GRID2: variants seen among roughly 807,000 people sequenced by gnomAD.
GRID2 encodes glutamate ionotropic receptor delta type subunit 2, also known as glutamate receptor ionotropic, delta-2.
GRID2 carries 33 observed loss-of-function variants against 114.8 expected under a neutral mutation model. The observed-to-expected ratio is 0.29, with a 90% confidence interval of 0.22 to 0.38. The LOEUF is 0.38. Ranked by LOEUF, GRID2 falls within the 10% of genes least tolerant of loss-of-function variation. GRID2 has a pLI of 1.00. For synonymous variants in GRID2, 505 were observed against 449.9 expected (o/e 1.12, Z -1.55); for missense variants, 1,184 against 1,257.7 (o/e 0.94, Z 0.89).
At chr4:92,553,143 A>G (rs1372772969) in intron 1 of GRID2, among the ~76,000 whole-genome samples, 1 of 152,158 alleles carries the variant, frequency 6.6e-6, no homozygotes, top group Non-Finnish European at 1.5e-5. Flanking sequence ...CTTTCCCTTT[A>G]TGGAACTTAG....
intron 2 of GRID2, among the ~76,000 whole-genome samples, chr4:93,049,314 C>T (rs556993537): frequency 1.3e-5 from 2 of 152,102 alleles, no homozygotes; most frequent in African/African-American, 4.8e-5. Context: ...CCCTCATAAA[C>T]ATAATTAAAT....
At chr4:93,205,320 A>G (rs1290120675) in intron 4 of GRID2, among the ~76,000 whole-genome samples, 1 of 152,028 alleles carries the variant, frequency 6.6e-6, no homozygotes, top group African/African-American at 2.4e-5. Flanking sequence ...AAAAATGATA[A>G]TAATAGTCCC....
At chr4:93,333,742 G>A (rs760433450) in intron 8 of GRID2, among the ~76,000 whole-genome samples, 2 of 152,098 alleles carry the variant, frequency 1.3e-5, no homozygotes, top group Non-Finnish European at 2.9e-5. Context: ...GAAAACACTT[G>A]CAAAGAAACA....
rs1402220556 is a variant in GRID2 at position 92,788,449 on chromosome 4, T to G, written c.244+198163T>G. ...CAAGGAGCTTTGCTGCTAAAGAAAG[T>G]AAGGAGTGAAATGGTTGAATTATAA... On this transcript the variant is annotated intron_variant, in intron 2 of 15. Coordinates refer to ENST00000282020, the MANE Select transcript of GRID2 (RefSeq NM_001510.4). Among the ~76,000 whole-genome samples the G allele has an allele frequency of 4.0e-5, 6 of 151,896 alleles. No individual in the cohort carries two copies. The East Asian group carries it at 1.2e-3, about 29-fold the overall frequency.
chr4:92,675,541 T>G (rs983516999), intron 2 of GRID2, among the ~76,000 whole-genome samples: 3 of 150,544 alleles, frequency 2.0e-5, no homozygotes, highest in Admixed American at 6.6e-5. Context: ...CAGTCTCTGT[T>G]TGGGCTACAA....
rs185113924 is a variant in GRID2, at chr4:93,232,222, T to A, written c.1126-6149T>A. Among the ~76,000 whole-genome samples, 740 of 152,282 alleles carry A rather than the reference T, an allele frequency of 4.9e-3. 8 individuals carry two copies. The highest frequency in any genetic ancestry group is 0.017 in the African/African-American group (713 of 41,572). On this transcript the variant is annotated intron_variant, in intron 7 of 15. Coordinates refer to ENST00000282020, the MANE Select transcript of GRID2 (RefSeq NM_001510.4). Reference sequence around the variant, plus strand: ...ACACCTTTACCTCTTTTATTTAATTTTTTAAAAGCTAAGAAAAATCTTAGA... The same window carrying A: ...ACACCTTTACCTCTTTTATTTAATTATTTAAAAGCTAAGAAAAATCTTAGA...
intron 4 of GRID2, among the ~76,000 whole-genome samples, chr4:93,165,751 G>T (rs900843568): frequency 6.6e-6 from 1 of 151,978 alleles, no homozygotes; most frequent in African/African-American, 2.4e-5. Flanking sequence ...ATAATTAAAA[G>T]GACTCCCTTT....
At chr4:93,499,945 A>G (rs536865349) in intron 12 of GRID2, among the ~76,000 whole-genome samples, 25 of 152,112 alleles carry the variant, frequency 1.6e-4, no homozygotes, top group Non-Finnish European at 2.8e-4. Context: ...AGGGGAACAT[A>G]TTGTATGCTA....
chr4:93,268,057 C>T (rs1352267297), intron 8 of GRID2, among the ~76,000 whole-genome samples: 2 of 152,192 alleles, frequency 1.3e-5, no homozygotes, highest in African/African-American at 4.8e-5. Flanking sequence ...GGAATTTACT[C>T]ACAATTTTCT....
chr4:92,970,962 A>G lies in GRID2; in HGVS notation c.245-114033A>G, dbSNP rs559225725. 8.6e-4 allele frequency among the ~76,000 whole-genome samples: 130 copies of G among 151,882 alleles called. 1 individual carries two copies. The highest frequency in any genetic ancestry group is 1.4e-3 in the Admixed American group (21 of 15,204). On this transcript the variant is annotated intron_variant, in intron 2 of 15. Transcript: ENST00000282020. ...ACACACACATTGCATATATATGTATATATACATCGTGCGTGTATGTGTGTC... is the reference window on the plus strand; with the variant it reads ...ACACACACATTGCATATATATGTATGTATACATCGTGCGTGTATGTGTGTC...
At chr4:93,208,215 A>G (rs149744826) in intron 5 of GRID2, among the ~76,000 whole-genome samples, 188 of 152,130 alleles carry the variant, frequency 1.2e-3, no homozygotes, top group African/African-American at 4.1e-3. Flanking sequence ...TTCTAGAATA[A>G]TAAGATTTCT....
chr4:92,605,811 T>C (rs1411559154), intron 2 of GRID2, among the ~76,000 whole-genome samples: 1 of 152,104 alleles, frequency 6.6e-6, no homozygotes, highest in African/African-American at 2.4e-5. Context: ...ACCATATTAC[T>C]TGTGAGTTTT....
intron 14 of GRID2, among the ~76,000 whole-genome samples, chr4:93,686,010 A>G (rs555359446): frequency 3.9e-5 from 6 of 152,124 alleles, no homozygotes; most frequent in Non-Finnish European, 4.4e-5. Flanking sequence ...CACCACTACT[A>G]CTGCTGCTGC....
At chr4:93,532,332 G>T (rs1319479454) in intron 13 of GRID2, among the ~76,000 whole-genome samples, 1 of 152,108 alleles carries the variant, frequency 6.6e-6, no homozygotes, top group Non-Finnish European at 1.5e-5. Flanking sequence ...GGAAAGAGTA[G>T]CTACTCACAA....
intron 2 of GRID2, among the ~76,000 whole-genome samples, chr4:92,942,848 T>C (rs1751272639): frequency 6.6e-6 from 1 of 152,206 alleles, no homozygotes; most frequent in Non-Finnish European, 1.5e-5. Flanking sequence ...TGGCTGGATA[T>C]GAAATTCTGG....
At chr4:92,525,024 G>C (rs1469633477) in intron 1 of GRID2, among the ~76,000 whole-genome samples, 1 of 151,946 alleles carries the variant, frequency 6.6e-6, no homozygotes, top group African/African-American at 2.4e-5. Flanking sequence ...GTGATAATGA[G>C]AGAGTATTTT....
At chr4:92,921,866 T>G (rs1749371278) in intron 2 of GRID2, among the ~76,000 whole-genome samples, 1 of 152,204 alleles carries the variant, frequency 6.6e-6, no homozygotes, top group African/African-American at 2.4e-5. Flanking sequence ...CGCTACTCTC[T>G]TCAAAGCTGT....
intron 12 of GRID2, among the ~76,000 whole-genome samples, chr4:93,503,065 T>C (rs1367283582): frequency 1.3e-5 from 2 of 152,130 alleles, no homozygotes; most frequent in African/African-American, 2.4e-5. Flanking sequence ...TATCAACTTC[T>C]GCTGAAATTT....
chr4:93,540,103 T>G (rs1396606419), intron 13 of GRID2, among the ~76,000 whole-genome samples: 1 of 152,040 alleles, frequency 6.6e-6, no homozygotes, highest in Admixed American at 6.6e-5. Context: ...TGTGATTTTT[T>G]CCTTGGAAAT....
Sources: allele counts gnomAD v4.1 joint callset (sites outside exome capture counted in the v4.1 genomes callset), GRCh38; gene constraint gnomAD v4.1.1; transcripts MANE v1.5; gene names NCBI Gene and HGNC (gene_info 2026-07-23, HGNC 2026-07-21).